Variants in DOCK1 observed in about 807,000 individuals in gnomAD.
The protein encoded by DOCK1 is dedicator of cytokinesis 1, also known as dedicator of cytokinesis protein 1.
In DOCK1, 138 loss-of-function variants were observed where a neutral mutation model predicts 262.7. The ratio of observed to expected loss-of-function variants is 0.53; its 90% CI spans 0.46 to 0.61. The LOEUF (loss-of-function observed/expected upper bound fraction) is 0.61. DOCK1 is among the 20% of genes least tolerant of loss of function. DOCK1 has a pLI of 0.00. For synonymous variants in DOCK1, 866 were observed against 867.4 expected (o/e 1.00, Z 0.03); for missense variants, 1,908 against 2,370.7 (o/e 0.80, Z 4.05).
intron 27 of DOCK1, among the ~76,000 whole-genome samples, chr10:127,134,156 A>G (rs550295443): frequency 1.3e-5 from 2 of 152,224 alleles, no homozygotes; most frequent in Non-Finnish European, 2.9e-5. Context: ...CTTCTAGGAA[A>G]GGCCAGTATT....
intron 18 of DOCK1, among the ~76,000 whole-genome samples, chr10:127,035,453 CTCATGGGG>C (rs2043529441): frequency 6.6e-6 from 1 of 152,098 alleles, no homozygotes; most frequent in African/African-American, 2.4e-5. Context: ...CTTGGGCAGC[CTCATGGGG>C]GCTGGACAAG....
rs61745557 is a variant in DOCK1 at position 127,195,812 on chromosome 10, G to C, written c.2848-52196G>C. ...CTTGCCCCCCACCTGCGACCGCACC[G>C]GGTCCGCTCCCGGCTGCACCGGGGT... is the stretch of plus-strand genomic sequence containing the variant. On this transcript the variant is annotated intron_variant, in intron 27 of 51. Coordinates refer to ENST00000623213, the MANE Select transcript of DOCK1 (RefSeq NM_001290223.2). Among the ~76,000 whole-genome samples, 684 of 152,252 alleles carry C rather than the reference G, an allele frequency of 4.5e-3. 6 individuals carry two copies. Among genetic ancestry groups the C allele is most frequent in the African/African-American group, 0.016 (651 of 41,574 alleles).
chr10:127,111,273 C>T (rs575196395), intron 25 of DOCK1, among the ~76,000 whole-genome samples: 123 of 152,210 alleles, frequency 8.1e-4, no homozygotes, highest in African/African-American at 2.7e-3. Context: ...AGAGTGTACA[C>T]GTGTTGCTAA....
At chr10:127,374,301 G>A (rs2065365345) in intron 35 of DOCK1, 87 bp downstream of exon 35, 2 of 1,446,924 alleles carry the variant, frequency 1.4e-6, no homozygotes, top group East Asian at 2.5e-5. Flanking sequence ...ATCTATGACA[G>A]TCAGCCACGA....
At chr10:127,137,401 A>G (rs2050792962) in intron 27 of DOCK1, 2 of 154,756 alleles carry the variant, frequency 1.3e-5, no homozygotes, top group African/African-American at 4.8e-5. Context: ...TGAAACATAA[A>G]AATGAAGTCC....
chr10:127,414,517 T>G (rs1817371583), intron 43 of DOCK1, among the ~76,000 whole-genome samples: 1 of 152,236 alleles, frequency 6.6e-6, no homozygotes, highest in Non-Finnish European at 1.5e-5. Context: ...ATTTAAAATA[T>G]GCATAGACAC....
chr10:126,941,640 C>CG (rs1395195207), intron 1 of DOCK1, among the ~76,000 whole-genome samples: 3 of 152,044 alleles, frequency 2.0e-5, no homozygotes, highest in East Asian at 2.0e-4. Flanking sequence ...CCTGTAGTCC[C>CG]GCTACTCGGG....
rs184218255 is a variant in DOCK1, at chr10:127,082,010, C to G, written c.2445+20234C>G. Among the ~76,000 whole-genome samples the G allele has an allele frequency of 7.2e-5, 11 of 152,230 alleles. No homozygotes were observed. The East Asian group carries it at 2.1e-3, about 29-fold the overall frequency. ...GACCTCAAAGAGGGTGAACATGAGC[C>G]CTGCTTTCCTTTCCTCTTTGACTTC... On this transcript the variant is annotated intron_variant, in intron 23 of 51. Coordinates refer to ENST00000623213, the MANE Select transcript of DOCK1 (RefSeq NM_001290223.2).
chr10:127,411,007 C>G, intron 43 of DOCK1, 83 bp downstream of exon 43: 1 of 1,373,244 alleles, frequency 7.3e-7, no homozygotes, highest in Non-Finnish European at 1.0e-6. Context: ...GAAGCGTGGC[C>G]TCAGAGGCAG....
intron 1 of DOCK1, among the ~76,000 whole-genome samples, chr10:126,966,232 T>C (rs1162779213): frequency 6.6e-6 from 1 of 152,232 alleles, no homozygotes. Context: ...CCATTATGTA[T>C]ATATACCACA....
chr10:127,163,918 C>T (rs1343467261), intron 27 of DOCK1, among the ~76,000 whole-genome samples: 3 of 151,520 alleles, frequency 2.0e-5, no homozygotes, highest in Non-Finnish European at 4.4e-5. Flanking sequence ...TTTTATTGGC[C>T]TCGCAGCTCC....
intron 27 of DOCK1, among the ~76,000 whole-genome samples, chr10:127,165,590 G>A (rs1442672736): frequency 6.6e-6 from 1 of 151,922 alleles, no homozygotes; most frequent in African/African-American, 2.4e-5. Flanking sequence ...TTTTTATATT[G>A]CATTGCAAAC....
intron 29 of DOCK1, among the ~76,000 whole-genome samples, chr10:127,268,571 CT>C (rs2060455985): frequency 6.6e-6 from 1 of 151,388 alleles, no homozygotes; most frequent in Non-Finnish European, 1.5e-5. Flanking sequence ...CAGTGACTCT[CT>C]TCTCCTTGTT....
At chr10:127,438,585 C>A (rs749686887) in intron 48 of DOCK1, among the ~76,000 whole-genome samples, 12 of 152,182 alleles carry the variant, frequency 7.9e-5, no homozygotes, top group African/African-American at 2.9e-4. Context: ...AAACAACCGT[C>A]TATCTGTAAT....
intron 33 of DOCK1, among the ~76,000 whole-genome samples, chr10:127,366,517 G>A (rs551172837): frequency 2.0e-5 from 3 of 152,212 alleles, no homozygotes; most frequent in East Asian, 3.9e-4. Context: ...CGTCCTCTGC[G>A]CAATCACCAT....
chr10:127,011,855 C>T (rs2041479439), intron 11 of DOCK1, among the ~76,000 whole-genome samples: 1 of 151,776 alleles, frequency 6.6e-6, no homozygotes, highest in South Asian at 2.1e-4. Flanking sequence ...ATGCTATGTT[C>T]AGAATTAATT....
chr10:127,449,744 G>A (rs2070833384), intron 51 of DOCK1, among the ~76,000 whole-genome samples: 1 of 152,104 alleles, frequency 6.6e-6, no homozygotes, highest in Non-Finnish European at 1.5e-5. Context: ...TGCCATGATG[G>A]GGGTGTGATC....
At chr10:127,387,156 C>T (rs2066173077) in intron 38 of DOCK1, among the ~76,000 whole-genome samples, 1 of 152,202 alleles carries the variant, frequency 6.6e-6, no homozygotes, top group Admixed American at 6.5e-5. Flanking sequence ...CTCTTTGTGG[C>T]AGCACATCCT....
chr10:127,135,993 T>C (rs2050659065), intron 27 of DOCK1: 1 of 152,658 alleles, frequency 6.6e-6, no homozygotes, highest in Non-Finnish European at 1.5e-5. Flanking sequence ...TACACTTCCT[T>C]CATGTTACAG....
Sources: allele counts gnomAD v4.1 joint callset (sites outside exome capture counted in the v4.1 genomes callset), GRCh38; gene constraint gnomAD v4.1.1; transcripts MANE v1.5; gene names NCBI Gene and HGNC (gene_info 2026-07-23, HGNC 2026-07-21).